The following CA10 variants were observed in gnomAD, a reference collection of about 807,000 sequenced individuals.
The protein encoded by CA10 is carbonic anhydrase 10 (inactive), also known as carbonic anhydrase-related protein 10.
In CA10, 14 loss-of-function variants were observed where a neutral mutation model predicts 44.2. The observed-to-expected ratio is 0.32, with a 90% confidence interval of 0.21 to 0.50. The LOEUF (loss-of-function observed/expected upper bound fraction) is 0.50, where lower values mean the gene tolerates loss of function less well. CA10 is among the 20% of genes least tolerant of loss of function. CA10 has a pLI of 0.99. For missense variants in CA10, 350 were observed against 409.7 expected, an observed-to-expected ratio of 0.85 and a Z score of 1.26; for synonymous variants, 159 against 141.6, an observed-to-expected ratio of 1.12 and a Z score of -0.87.
intron 4 of CA10, among the ~76,000 whole-genome samples, chr17:51,699,954 CTTTA>C (rs1197777896): frequency 1.3e-5 from 2 of 152,166 alleles, no homozygotes; most frequent in East Asian, 3.9e-4. Flanking sequence ...ACAGCTGTTC[CTTTA>C]TTTGATTCTT....
intron 4 of CA10, among the ~76,000 whole-genome samples, 156 bp from the exon 5 acceptor site, chr17:51,653,892 CAT>C (rs1014273998): frequency 3.9e-5 from 6 of 152,168 alleles, no homozygotes; most frequent in Non-Finnish European, 5.9e-5. Flanking sequence ...GATGTGTGTG[CAT>C]ATGTGTGTAA....
intron 3 of CA10, among the ~76,000 whole-genome samples, chr17:51,839,201 G>A (rs541698886): frequency 6.6e-6 from 1 of 152,200 alleles, no homozygotes; most frequent in East Asian, 1.9e-4. Flanking sequence ...GATTAAGAAG[G>A]CACTACCTTG....
chr17:52,079,454 G>A (rs974834435), intron 1 of CA10, among the ~76,000 whole-genome samples: 2 of 123,726 alleles, frequency 1.6e-5, no homozygotes, highest in Admixed American at 1.4e-4. Context: ...GCGAGACTCC[G>A]TCAAAAAAAA....
intron 2 of CA10, among the ~76,000 whole-genome samples, chr17:51,992,704 A>G (rs1276493783): frequency 6.6e-6 from 1 of 152,066 alleles, no homozygotes; most frequent in Non-Finnish European, 1.5e-5. Context: ...TTAGTATCAC[A>G]TATTCATCTC....
At chr17:51,993,856 T>G (rs1985130706) in intron 2 of CA10, among the ~76,000 whole-genome samples, 1 of 152,070 alleles carries the variant, frequency 6.6e-6, no homozygotes, top group Non-Finnish European at 1.5e-5. Context: ...TTACTTTTAT[T>G]GATAAATTAC....
At chr17:52,023,498 TAAAACTATA>T (rs1367446643) in intron 2 of CA10, among the ~76,000 whole-genome samples, 1 of 152,028 alleles carries the variant, frequency 6.6e-6, no homozygotes, top group Admixed American at 6.6e-5. Context: ...ATGTAAGACC[TAAAACTATA>T]AAAATCCTAG....
Position 51,631,481 on chromosome 17 carries a change from T to A in CA10, c.*103A>T. The A allele has an allele frequency of 9.2e-7, 1 of 1,090,256 alleles. No homozygotes were observed. The highest frequency in any genetic ancestry group is 1.4e-6 in the Non-Finnish European group (1 of 708,922). 67.5% of individuals were successfully genotyped at this position (1,090,256 alleles called of 1,614,324 possible). ...GCCAATCCCAAGAATGAATGAGGCT[T>A]GGGGGAAAGAAGGAGAGAGAAGCAA... On this transcript the variant is annotated 3_prime_UTR_variant, in exon 9 of 9. Transcript: ENST00000451037.
intron 4 of CA10, among the ~76,000 whole-genome samples, chr17:51,712,635 G>T (rs1284540317): frequency 2.0e-5 from 3 of 152,208 alleles, no homozygotes; most frequent in Non-Finnish European, 4.4e-5. Flanking sequence ...TTGTAGGAAT[G>T]AAGCTACTCC....
chr17:52,060,514 A>G (rs1433438221), intron 2 of CA10, among the ~76,000 whole-genome samples: 1 of 152,232 alleles, frequency 6.6e-6, no homozygotes, highest in Non-Finnish European at 1.5e-5. Context: ...GATAAAGAGT[A>G]TATGGAAACT....
intron 1 of CA10, among the ~76,000 whole-genome samples, chr17:52,083,347 C>T (rs1988031983): frequency 6.6e-6 from 1 of 152,142 alleles, no homozygotes; most frequent in South Asian, 2.1e-4. Context: ...ACATGGCACC[C>T]TGGGGTTAAA....
rs796580543 is a variant in CA10, at chr17:51,712,161, T to A, written c.465+35472A>T. ...CATCAACAAATGTGTGTTAAGTGAA[T>A]AGCAAACAGATCACTTGCAGTGTCC... On this transcript the variant is annotated intron_variant, in intron 4 of 8. Transcript: ENST00000451037. 7.2e-5 allele frequency among the ~76,000 whole-genome samples: 11 copies of A among 152,354 alleles called. 2 individuals are homozygous for A. Among genetic ancestry groups the A allele is most frequent in the African/African-American group, 2.6e-4 (11 of 41,588 alleles).
At chr17:52,049,003 T>C (rs1986987834) in intron 2 of CA10, among the ~76,000 whole-genome samples, 1 of 152,078 alleles carries the variant, frequency 6.6e-6, no homozygotes, top group African/African-American at 2.4e-5. Context: ...TCTGAAAGCC[T>C]GAAACCACAA....
chr17:51,946,623 C>G (rs773143137), intron 2 of CA10, among the ~76,000 whole-genome samples: 1 of 152,080 alleles, frequency 6.6e-6, no homozygotes, highest in Admixed American at 6.6e-5. Context: ...GGCATGCCTA[C>G]TCATTCAAAT....
intron 2 of CA10, among the ~76,000 whole-genome samples, chr17:51,986,570 C>T (rs935276532): frequency 1.3e-5 from 2 of 152,062 alleles, no homozygotes; most frequent in East Asian, 1.9e-4. Flanking sequence ...GCAGAGCAGA[C>T]AACCTACAGA....
chr17:52,069,157 T>A (rs1426648281), intron 2 of CA10, among the ~76,000 whole-genome samples: 1 of 152,234 alleles, frequency 6.6e-6, no homozygotes, highest in African/African-American at 2.4e-5. Context: ...GATGCAAATG[T>A]TAATCTGGTC....
At chr17:51,656,001 G>A (rs570912588) in intron 4 of CA10, among the ~76,000 whole-genome samples, 1 of 152,338 alleles carries the variant, frequency 6.6e-6, no homozygotes, top group South Asian at 2.1e-4. Context: ...CTTTCTGCAG[G>A]TGGAGAAATG....
chr17:51,941,900 G>A (rs962127247), intron 2 of CA10, among the ~76,000 whole-genome samples: 18 of 152,054 alleles, frequency 1.2e-4, no homozygotes, highest in African/African-American at 4.1e-4. Context: ...TATATGTTTA[G>A]TATGTAAACA....
intron 4 of CA10, among the ~76,000 whole-genome samples, chr17:51,659,092 G>A (rs1913905836): frequency 6.6e-6 from 1 of 152,212 alleles, no homozygotes; most frequent in Non-Finnish European, 1.5e-5. Context: ...GTGTGCCTGT[G>A]AGGGTGCTTC....
intron 4 of CA10, among the ~76,000 whole-genome samples, chr17:51,657,411 C>G (rs977919173): frequency 2.0e-5 from 3 of 152,158 alleles, no homozygotes; most frequent in African/African-American, 7.2e-5. Context: ...TTGCTCTTCC[C>G]TAGCCAGGCA....
Sources: gnomAD v4.1 joint callset for allele counts (sites outside exome capture counted in the v4.1 genomes callset) on GRCh38, gnomAD v4.1.1 for gene constraint, MANE v1.5 for transcripts, NCBI Gene and HGNC (gene_info 2026-07-23, HGNC 2026-07-21) for gene names.